The following GFRA1 variants were observed in gnomAD, a reference collection of about 807,000 sequenced individuals.
GFRA1 encodes GDNF family receptor alpha 1, also known as GDNF family receptor alpha-1.
Under a neutral mutation model 51.6 loss-of-function variants are expected in GFRA1, and 16 were observed. That is an observed-to-expected ratio of 0.31 (90% CI 0.21 to 0.47). The LOEUF (loss-of-function observed/expected upper bound fraction) is 0.47. Among genes scored for constraint, GFRA1 ranks in the 20% least tolerant of loss-of-function variants. GFRA1 has a pLI of 1.00. For synonymous variants in GFRA1, 270 were observed against 241.3 expected, an observed-to-expected ratio of 1.12 and a Z score of -1.10; for missense variants, 530 against 594.3, an observed-to-expected ratio of 0.89 and a Z score of 1.13.
intron 4 of GFRA1, among the ~76,000 whole-genome samples, chr10:116,256,948 A>G (rs1414024275): frequency 7.2e-6 from 1 of 138,884 alleles, no homozygotes; most frequent in East Asian, 2.1e-4. Context: ...CCCACACCTG[A>G]GCCACTGCTC....
chr10:116,221,110 C>A (rs1289299484), intron 4 of GFRA1, among the ~76,000 whole-genome samples: 2 of 152,112 alleles, frequency 1.3e-5, no homozygotes, highest in African/African-American at 4.8e-5. Context: ...GTACATCAGG[C>A]ACTATTTTAA....
intron 4 of GFRA1, among the ~76,000 whole-genome samples, chr10:116,233,368 G>A (rs117598733): frequency 7.9e-5 from 12 of 152,086 alleles, no homozygotes; most frequent in Non-Finnish European, 1.0e-4. Flanking sequence ...ATCAGCTTTC[G>A]GAGTACACTT....
chr10:116,145,299 AC>A (rs1172590247), intron 5 of GFRA1, among the ~76,000 whole-genome samples: 1 of 152,050 alleles, frequency 6.6e-6, no homozygotes, highest in African/African-American at 2.4e-5. Context: ...ATCACATAGA[AC>A]TCCTATGAAT....
intron 4 of GFRA1, among the ~76,000 whole-genome samples, chr10:116,264,275 A>G (rs1477976985): frequency 6.6e-6 from 1 of 152,146 alleles, no homozygotes; most frequent in Non-Finnish European, 1.5e-5. Context: ...CCTACCCTCA[A>G]GCACTGTGAC....
intron 4 of GFRA1, among the ~76,000 whole-genome samples, chr10:116,246,709 A>G (rs554001863): frequency 7.9e-5 from 12 of 152,370 alleles, no homozygotes; most frequent in African/African-American, 2.9e-4. Context: ...AGCAATTAGT[A>G]AATTAAAGGA....
chr10:116,172,953 A>G (rs1403872064), intron 5 of GFRA1, among the ~76,000 whole-genome samples: 1 of 152,200 alleles, frequency 6.6e-6, no homozygotes, highest in East Asian at 1.9e-4. Flanking sequence ...CAGAGGTATA[A>G]GAATATAAAA....
At chr10:116,102,729 GC>G (rs942010552) in intron 6 of GFRA1, among the ~76,000 whole-genome samples, 1 of 152,078 alleles carries the variant, frequency 6.6e-6, no homozygotes, top group Non-Finnish European at 1.5e-5. Context: ...GGGGGAAACT[GC>G]CCCCATGATT....
At chr10:116,224,420 A>C in intron 4 of GFRA1, among the ~76,000 whole-genome samples, 1 of 152,254 alleles carries the variant, frequency 6.6e-6, no homozygotes, top group Admixed American at 6.5e-5. Flanking sequence ...AGTCATAATA[A>C]CCAAAAAGTG....
At chr10:116,193,959 A>G (rs147866418) in intron 5 of GFRA1, among the ~76,000 whole-genome samples, 2,090 of 151,774 alleles carry the variant, frequency 0.014, 57 homozygotes, top group African/African-American at 0.048. Flanking sequence ...GAATGGTGTG[A>G]ACCCGGGAGG....
chr10:116,195,153 A>G (rs1963623413), intron 5 of GFRA1, among the ~76,000 whole-genome samples: 2 of 152,152 alleles, frequency 1.3e-5, no homozygotes, highest in Admixed American at 1.3e-4. Flanking sequence ...CTTTTCCTTC[A>G]TGGCCAAGTA....
In GFRA1 at chr10:116,063,528, A is replaced by G. The variant is rs1182105081; in HGVS notation, c.*870T>C. On this transcript the variant is annotated 3_prime_UTR_variant, in exon 11 of 11. Transcript: ENST00000355422. Reference sequence around the variant, plus strand: ...CATTACTTTCAAAATATAGAAAGCCAATAGTTGAAATCATTTAGTAGTAAA... The same window carrying G: ...CATTACTTTCAAAATATAGAAAGCCGATAGTTGAAATCATTTAGTAGTAAA... The G allele has an allele frequency of 6.6e-6, 1 of 152,262 alleles. No individual in the cohort carries two copies. 9.4% of individuals were successfully genotyped at this position (152,262 alleles called of 1,614,324 possible).
At chr10:116,139,008 C>A (rs1201673633) in intron 5 of GFRA1, among the ~76,000 whole-genome samples, 1 of 152,180 alleles carries the variant, frequency 6.6e-6, no homozygotes, top group East Asian at 1.9e-4. Flanking sequence ...CTGTCTCCCA[C>A]AGGAATTGCG....
At chr10:116,226,179 T>C (rs976232351) in intron 4 of GFRA1, among the ~76,000 whole-genome samples, 1 of 152,184 alleles carries the variant, frequency 6.6e-6, no homozygotes, top group Non-Finnish European at 1.5e-5. Context: ...TGCTCTGTGA[T>C]TACGGAGGCA....
chr10:116,242,259 T>C (rs11197603), intron 4 of GFRA1, among the ~76,000 whole-genome samples: 18,233 of 152,204 alleles, frequency 0.12, 1,260 homozygotes, highest in South Asian at 0.2. Flanking sequence ...GTTACAATTA[T>C]GTGCAGATGT....
upstream of GFRA1, chr10:116,273,381 G>A (rs895841526): frequency 1.3e-5 from 2 of 152,122 alleles, no homozygotes; most frequent in African/African-American, 4.8e-5. Flanking sequence ...CAGAGCCCTC[G>A]GCTCGGATGC....
chr10:116,193,236 T>A (rs1963429202), intron 5 of GFRA1, among the ~76,000 whole-genome samples: 1 of 152,074 alleles, frequency 6.6e-6, no homozygotes, highest in African/African-American at 2.4e-5. Context: ...AACAGCGGGT[T>A]TGGAAAATAC....
At chr10:116,178,682 C>T (rs1448194322) in intron 5 of GFRA1, among the ~76,000 whole-genome samples, 2 of 152,170 alleles carry the variant, frequency 1.3e-5, no homozygotes, top group Non-Finnish European at 2.9e-5. Context: ...TGTGTGTCTT[C>T]GCCAGCATCG....
chr10:116,057,515 A>G lies in GFRA1; in HGVS notation c.*6883T>C, dbSNP rs1954599272. The G allele has an allele frequency of 6.6e-6, 1 of 152,222 alleles. No homozygotes were observed. Among genetic ancestry groups the G allele is most frequent in the African/African-American group, 2.4e-5 (1 of 41,456 alleles). The allele number at this position is 152,222 out of a possible 1,614,324, so 9.4% of individuals were successfully genotyped here. On this transcript the variant is annotated 3_prime_UTR_variant, in exon 11 of 11. Coordinates refer to ENST00000355422, the MANE Select transcript of GFRA1 (RefSeq NM_005264.8). The stretch of plus-strand genomic sequence containing the variant: ...AACACCATCCAAAAGAGTACAAGAA[A>G]AAAACCCCACAGCCTAAATCTCACA...
chr10:116,165,431 C>T (rs201922092), intron 5 of GFRA1, among the ~76,000 whole-genome samples: 2 of 152,178 alleles, frequency 1.3e-5, no homozygotes, highest in Non-Finnish European at 2.9e-5. Flanking sequence ...TCACATGAAA[C>T]TTACTTCCTG....
Sources: gnomAD v4.1 joint callset for allele counts (sites outside exome capture counted in the v4.1 genomes callset) on GRCh38, gnomAD v4.1.1 for gene constraint, MANE v1.5 for transcripts, NCBI Gene and HGNC (gene_info 2026-07-23, HGNC 2026-07-21) for gene names.